The following BAIAP2 variants were observed in gnomAD, a reference collection of about 807,000 sequenced individuals.
BAIAP2 encodes the protein BAR/IMD domain containing adaptor protein 2.
A neutral mutation model predicts 63.0 loss-of-function variants in BAIAP2; 18 were observed. The ratio of observed to expected loss-of-function variants is 0.29; its 90% CI spans 0.20 to 0.42. The LOEUF (loss-of-function observed/expected upper bound fraction) is 0.42, where lower values mean the gene tolerates loss of function less well. BAIAP2 is among the 10% of genes least tolerant of loss of function. The pLI is 1.00. For synonymous variants in BAIAP2, 386 were observed against 307.6 expected, an observed-to-expected ratio of 1.25 and a Z score of -2.67; for missense variants, 610 against 734.3, an observed-to-expected ratio of 0.83 and a Z score of 1.96.
At chr17:81,045,315 G>A (rs2047656158) in intron 1 of BAIAP2, among the ~76,000 whole-genome samples, 1 of 152,162 alleles carries the variant, frequency 6.6e-6, no homozygotes, top group Non-Finnish European at 1.5e-5. Flanking sequence ...GGCTGGGGCT[G>A]GGGGCCCAGG....
intron 3 of BAIAP2, among the ~76,000 whole-genome samples, chr17:81,063,249 C>T (rs1280021245): frequency 6.6e-6 from 1 of 152,048 alleles, no homozygotes; most frequent in Non-Finnish European, 1.5e-5. Flanking sequence ...TTTGAGGAGC[C>T]CAGGGCCTTG....
At chr17:81,102,317 G>A (rs867810243) in intron 7 of BAIAP2, among the ~76,000 whole-genome samples, 1 of 152,106 alleles carries the variant, frequency 6.6e-6, no homozygotes, top group South Asian at 2.1e-4. Flanking sequence ...CCGCTGCGAG[G>A]TCGGTGTCCC....
At chr17:81,061,904 A>G (rs970897112) in intron 3 of BAIAP2, among the ~76,000 whole-genome samples, 1 of 151,938 alleles carries the variant, frequency 6.6e-6, no homozygotes, top group Non-Finnish European at 1.5e-5. Context: ...TTTTGCACAT[A>G]TTTGCTTTCA....
intron 1 of BAIAP2, among the ~76,000 whole-genome samples, chr17:81,037,788 T>G (rs2046487309): frequency 6.6e-6 from 1 of 152,276 alleles, no homozygotes; most frequent in Non-Finnish European, 1.5e-5. Context: ...TTGCATCGCC[T>G]TAACTGCAGT....
chr17:81,099,509 G>C (rs2058203588), intron 6 of BAIAP2, among the ~76,000 whole-genome samples: 1 of 152,170 alleles, frequency 6.6e-6, no homozygotes, highest in South Asian at 2.1e-4. Context: ...GCAACAGGGG[G>C]AAGGACCAAG....
intron 3 of BAIAP2, among the ~76,000 whole-genome samples, chr17:81,063,272 G>A (rs1598593796): frequency 6.6e-6 from 1 of 152,288 alleles, no homozygotes. Context: ...GAGATTCCAG[G>A]CTTGGTGCCA....
intron 1 of BAIAP2, among the ~76,000 whole-genome samples, chr17:81,048,519 G>A (rs1016724525): frequency 5.3e-5 from 8 of 152,114 alleles, no homozygotes; most frequent in African/African-American, 1.9e-4. Flanking sequence ...AGGTGGAGAT[G>A]ACGGGGGTTT....
At chr17:81,064,648 C>T (rs1487771798) in intron 3 of BAIAP2, among the ~76,000 whole-genome samples, 1 of 152,204 alleles carries the variant, frequency 6.6e-6, no homozygotes, top group Non-Finnish European at 1.5e-5. Context: ...TTTGTTCTCT[C>T]TCCTGGAGTG....
In BAIAP2 at chr17:81,116,403, C is replaced by T; in HGVS notation, c.*564C>T. The stretch of plus-strand genomic sequence containing the variant: ...TGCCCCTCGGTGGGGCTCTCCTGGG[C>T]CCCTCACTCCCACTGGCAATGTCAC... On this transcript the variant is annotated 3_prime_UTR_variant, in exon 14 of 14. Transcript: ENST00000428708. 6.8e-7 allele frequency: 1 copy of T among 1,468,546 alleles called. No homozygotes were observed. Among genetic ancestry groups the T allele is most frequent in the South Asian group, 1.2e-5 (1 of 81,554 alleles). The allele number at this position is 1,468,546 out of a possible 1,614,324, so 91.0% of individuals were successfully genotyped here. A position where few individuals can be genotyped will look rare whatever the true frequency, so the allele number is the denominator to read the frequency against.
chr17:81,100,248 G>GT (rs2058305822), intron 7 of BAIAP2, among the ~76,000 whole-genome samples, 168 bp downstream of exon 7: 1 of 152,222 alleles, frequency 6.6e-6, no homozygotes, highest in Non-Finnish European at 1.5e-5. Context: ...GAATTACCAG[G>GT]TCACAGGGTG....
In BAIAP2 at chr17:81,059,595, C is replaced by T. The variant is rs553995294; in HGVS notation, c.217+1628C>T. Among the ~76,000 whole-genome samples the T allele has an allele frequency of 7.0e-4, 106 of 152,308 alleles. 3 individuals are homozygous for T. The South Asian group carries it at 0.021, about 31-fold the overall frequency. On this transcript the variant is annotated intron_variant, in intron 3 of 13. Coordinates refer to ENST00000428708, the MANE Select transcript of BAIAP2 (RefSeq NM_001144888.2). ...TAGTAGCTGGGACCACAGGCGTGCG[C>T]CACCACGCCCAGCTGATTTTTTATT...
At chr17:81,110,404 T>C (rs1448663602) in intron 13 of BAIAP2, 3 of 988,774 alleles carry the variant, frequency 3.0e-6, no homozygotes, top group Non-Finnish European at 3.6e-6. Context: ...TGTATGAAGA[T>C]GTAAAGTGCT....
At chr17:81,078,403 G>T (rs4969375) in intron 3 of BAIAP2, among the ~76,000 whole-genome samples, 1 of 93,192 alleles carries the variant, frequency 1.1e-5, no homozygotes, top group Non-Finnish European at 2.2e-5. Flanking sequence ...TTGGGTGGGA[G>T]CCGGGCGCTG....
chr17:81,048,478 C>T (rs565689203), intron 1 of BAIAP2, among the ~76,000 whole-genome samples: 67 of 152,126 alleles, frequency 4.4e-4, no homozygotes, highest in African/African-American at 1.5e-3. Flanking sequence ...AATGTACTGG[C>T]CACTCTCCCT....
At chr17:81,052,448 C>T (rs2048821839) in intron 1 of BAIAP2, among the ~76,000 whole-genome samples, 1 of 152,208 alleles carries the variant, frequency 6.6e-6, no homozygotes, top group South Asian at 2.1e-4. Context: ...GAGCACCTGC[C>T]CTGGAACTTG....
chr17:81,047,427 G>A (rs1014949050), intron 1 of BAIAP2, among the ~76,000 whole-genome samples: 2 of 152,220 alleles, frequency 1.3e-5, no homozygotes, highest in Non-Finnish European at 2.9e-5. Context: ...TTCTCTGTTT[G>A]TTCTTCTGAG....
intron 7 of BAIAP2, among the ~76,000 whole-genome samples, chr17:81,100,702 C>G (rs2058367930): frequency 6.6e-6 from 1 of 152,166 alleles, no homozygotes; most frequent in Non-Finnish European, 1.5e-5. Context: ...GACCTGCCAC[C>G]CCTCACCCAA....
At chr17:81,079,237 C>T (rs999869452) in intron 3 of BAIAP2, among the ~76,000 whole-genome samples, 2 of 152,150 alleles carry the variant, frequency 1.3e-5, no homozygotes, top group Admixed American at 6.5e-5. Context: ...CAGCCCTGTC[C>T]CCATCAGCTG....
intron 1 of BAIAP2, among the ~76,000 whole-genome samples, chr17:81,051,787 T>C (rs2048716887): frequency 6.6e-6 from 1 of 152,204 alleles, no homozygotes; most frequent in South Asian, 2.1e-4. Context: ...CCTTCCAGGC[T>C]TAAGCAATCC....
Sources: allele counts gnomAD v4.1 joint callset (sites outside exome capture counted in the v4.1 genomes callset), GRCh38; gene constraint gnomAD v4.1.1; transcripts MANE v1.5; gene names NCBI Gene and HGNC (gene_info 2026-07-23, HGNC 2026-07-21).